The following COL7A1 variants were observed in gnomAD, a reference collection of about 807,000 sequenced individuals.
COL7A1 encodes collagen type VII alpha 1 chain.
In COL7A1, 296 loss-of-function variants were observed where a neutral mutation model predicts 456.2. The observed-to-expected ratio is 0.65, with a 90% CI of 0.59 to 0.71. The LOEUF is 0.71. COL7A1 is among the 30% of genes least tolerant of loss of function. The pLI, the probability that COL7A1 is intolerant of heterozygous loss-of-function variation, is 0.00. For missense variants in COL7A1, 3,441 were observed against 4,017.2 expected (o/e 0.86, Z 3.88); for synonymous variants, 1,464 against 1,525.9 (o/e 0.96, Z 0.95).
chr3:48,592,864 T>C lies in COL7A1; in HGVS notation c.757A>G (p.Thr253Ala). ...PSSQSLRVQWTAASGPVTGYK... is the reference protein window; with the variant it reads ...PSSQSLRVQWAAASGPVTGYK... ...CCAGTCACAGGGCCACTGGCCGCTG[T>C]CCACTGTACTCTCAAGGATTGGCTG... is the stretch of plus-strand genomic sequence containing the variant. Residue 253 changes from threonine (T) to alanine (A), a missense_variant, in exon 7 of 119, where the codon ACA becomes GCA. This residue lies in a region of COL7A1 where 913 missense variants were observed against 1,088.2 expected (regional missense o/e 0.84). Transcript: ENST00000681320. This position sits in a 1 kb window ranked among gnomAD's most constrained non-coding sequence, Gnocchi z 7.6. 6.2e-7 allele frequency: 1 copy of C among 1,614,038 alleles called. No homozygotes were observed. Among genetic ancestry groups the C allele is most frequent in the Non-Finnish European group, 8.5e-7 (1 of 1,180,028 alleles).
Position 48,592,758 on chromosome 3 carries a change from C to T in COL7A1, c.846+17G>A, listed in dbSNP as rs2045797632. 1 of 1,613,484 alleles carries T rather than the reference C, an allele frequency of 6.2e-7. No homozygotes were observed. Among genetic ancestry groups the T allele is most frequent in the Non-Finnish European group, 8.5e-7 (1 of 1,180,038 alleles). On this transcript the variant is annotated intron_variant, in intron 7 of 118. Transcript: ENST00000681320. This position sits in a 1 kb window ranked among gnomAD's most constrained non-coding sequence, Gnocchi z 7.6. ...AGCCAAGTCCCCAGCCACCACCTAT[C>T]ACTCCTGACATCCTACCTCCTGCCG...
chr3:48,589,113 G>A, intron 18 of COL7A1, 118 bp from the exon 19 acceptor site: 1 of 1,564,118 alleles, frequency 6.4e-7, no homozygotes, highest in Non-Finnish European at 8.8e-7. Context: ...GTCACTTTAG[G>A]CAGCCCTGAG....
chr3:48,572,260 C>A lies in COL7A1; in HGVS notation c.6979-89G>T, dbSNP rs558148606. 5.6e-6 allele frequency: 9 copies of A among 1,609,286 alleles called. No individual in the cohort carries two copies. Among genetic ancestry groups the A allele is most frequent in the Non-Finnish European group, 6.8e-6 (8 of 1,175,822 alleles). On this transcript the variant is annotated intron_variant, in intron 90 of 118. Coordinates refer to ENST00000681320, the MANE Select transcript of COL7A1 (RefSeq NM_000094.4). This position sits in a 1 kb window ranked among gnomAD's most constrained non-coding sequence, Gnocchi z 4.6. ...GGCATGGGGCCAGAGCTTAAATATG[C>A]GGTCTACTATGAAAGCTGAGGGTCA...
chr3:48,578,318 C>CA lies in COL7A1; in HGVS notation c.5532+2dup, dbSNP rs1560224720. On this transcript the variant is annotated splice_region_variant and intron_variant, in intron 65 of 118. Transcript: ENST00000681320. The surrounding 1 kb of genome is among the most constrained non-coding windows in gnomAD (Gnocchi z 4.7). The stretch of plus-strand genomic sequence containing the variant: ...TCGCCGCAGCTGCCCTGGACACACT[C>CA]ACGTTTTTTCCATTCAGGCCAGGTT... 1 of 1,612,500 alleles carries CA rather than the reference C, an allele frequency of 6.2e-7. No individual in the cohort carries two copies.
At position 48,573,903 on chromosome 3, in the gene COL7A1, G is replaced by A. The variant is rs2107665232; in HGVS notation, c.6502-13C>T. 1.9e-6 allele frequency: 3 copies of A among 1,612,972 alleles called. No homozygotes were observed. The highest frequency in any genetic ancestry group is 1.9e-4 in the Middle Eastern group (1 of 5,388). On this transcript the variant is annotated splice_polypyrimidine_tract_variant and intron_variant, in intron 80 of 118. Transcript: ENST00000681320. The surrounding 1 kb of genome is among the most constrained non-coding windows in gnomAD (Gnocchi z 5.5). ...GACCCTGCAGACCCTACATAGAGAG[G>A]GCACTGATGAGCCTCAATCTGGGCC... is the stretch of plus-strand genomic sequence containing the variant.
In COL7A1 at chr3:48,583,628, C is replaced by A. The variant is rs942776933; in HGVS notation, c.4342-13G>T. ...CCTCAGAGTCACCCTGAAGGAGAAA[C>A]ACACGGGTGGGAAGACCGAAGGGAG... On this transcript the variant is annotated splice_polypyrimidine_tract_variant and intron_variant, in intron 40 of 118. Coordinates refer to ENST00000681320, the MANE Select transcript of COL7A1 (RefSeq NM_000094.4). The surrounding 1 kb of genome is among the most constrained non-coding windows in gnomAD (Gnocchi z 5.1). 6.2e-7 allele frequency: 1 copy of A among 1,614,056 alleles called. No homozygotes were observed. Among genetic ancestry groups the A allele is most frequent in the African/African-American group, 1.3e-5 (1 of 75,048 alleles).
At chr3:48,584,805 C>A (rs777427242) in intron 34 of COL7A1, 36 bp from the exon 35 acceptor site, 2 of 1,614,002 alleles carry the variant, frequency 1.2e-6, no homozygotes, top group Non-Finnish European at 1.7e-6. Context: ...GGTGCTTGGG[C>A]TCAGGCGAAT....
Position 48,566,462 on chromosome 3 carries a change from ACCCAGGCCCACCCAGGCCCT to A in COL7A1, c.8358+28_8358+47del, listed in dbSNP as rs766634550. 3 of 1,546,476 alleles carry A rather than the reference ACCCAGGCCCACCCAGGCCCT, an allele frequency of 1.9e-6. No homozygotes were observed. Among genetic ancestry groups the A allele is most frequent in the South Asian group, 1.1e-5 (1 of 89,532 alleles). ...GGTGAGGGAGGTAGGGCCCCAGCCC[ACCCAGGCCCACCCAGGCCCT>A]CCCAGGCCCATCCAGGCCCACACTC... On this transcript the variant is annotated intron_variant, in intron 113 of 118. Transcript: ENST00000681320. The surrounding 1 kb of genome is among the most constrained non-coding windows in gnomAD (Gnocchi z 5.9).
intron 34 of COL7A1, 46 bp from the exon 35 acceptor site, chr3:48,584,815 T>C (rs2045110788): frequency 1.2e-6 from 2 of 1,613,712 alleles, no homozygotes; most frequent in Non-Finnish European, 1.7e-6. Flanking sequence ...CTCAGGCGAA[T>C]GTCAACGTGG....
Position 48,579,484 on chromosome 3 carries a change from G to C in COL7A1, c.5267C>G (p.Pro1756Arg). The C allele has an allele frequency of 1.2e-6, 2 of 1,614,118 alleles. No homozygotes were observed. The highest frequency in any genetic ancestry group is 1.7e-6 in the Non-Finnish European group (2 of 1,180,022). The change falls in exon 60 of 119, where the codon CCA becomes CGA. Residue 1756 changes from proline to arginine, a missense_variant. Around this residue, in one of 3 missense-constraint regions of COL7A1, gnomAD observed 2,084 missense variants for 2,501.3 expected, o/e 0.83. Coordinates refer to ENST00000681320, the MANE Select transcript of COL7A1 (RefSeq NM_000094.4). The surrounding 1 kb of genome is among the most constrained non-coding windows in gnomAD (Gnocchi z 4.4). Reference sequence around the variant, plus strand: ...GGGGCAAAGTGCATCACTCACCTGTGGGCCTGGGGGTCCCCGAAACCCTTC... The same window carrying C: ...GGGGCAAAGTGCATCACTCACCTGTCGGCCTGGGGGTCCCCGAAACCCTTC... ...GIEGFRGPPG[P>R]QGDPGVRGPA...
At position 48,568,256 on chromosome 3, in the gene COL7A1, A is replaced by G; in HGVS notation, c.7795-86T>C. 1 of 1,468,090 alleles carries G rather than the reference A, an allele frequency of 6.8e-7. No individual in the cohort carries two copies. Among genetic ancestry groups the G allele is most frequent in the South Asian group, 1.1e-5 (1 of 87,422 alleles). 90.9% of individuals were successfully genotyped at this position (1,468,090 alleles called of 1,614,324 possible). A position where few individuals can be genotyped will look rare whatever the true frequency, so the allele number is the denominator to read the frequency against. Reference sequence around the variant, plus strand: ...CCCTGGATAGTGGGTAGGGAACACCATGGGGTGGGAGTCACCTCTGGAGGC... The same window carrying G: ...CCCTGGATAGTGGGTAGGGAACACCGTGGGGTGGGAGTCACCTCTGGAGGC... On this transcript the variant is annotated intron_variant, in intron 105 of 118. Transcript: ENST00000681320. The surrounding 1 kb of genome is among the most constrained non-coding windows in gnomAD (Gnocchi z 5.2).
rs748944570 is a variant in COL7A1 at position 48,582,586 on chromosome 3, TC to T, written c.4563+22del. The T allele has an allele frequency of 4.3e-6, 7 of 1,613,584 alleles. No individual in the cohort carries two copies. The East Asian group carries it at 1.6e-4, about 36-fold the overall frequency. Reference sequence around the variant, plus strand: ...GGACACACAAAAGTCCCACTCCTGGTCCCACCACAGTCACAGACTCACTTCA... The same window carrying T: ...GGACACACAAAAGTCCCACTCCTGGTCCACCACAGTCACAGACTCACTTCA... On this transcript the variant is annotated intron_variant, in intron 45 of 118. Coordinates refer to ENST00000681320, the MANE Select transcript of COL7A1 (RefSeq NM_000094.4).
chr3:48,575,478 T>G lies in COL7A1; in HGVS notation c.6041A>C (p.Gln2014Pro), dbSNP rs755954867. The change falls in exon 74 of 119, where the codon CAG becomes CCG. Residue 2014 changes from glutamine (Q) to proline (P), a missense_variant. Around this residue, in one of 3 missense-constraint regions of COL7A1, gnomAD observed 2,084 missense variants for 2,501.3 expected, o/e 0.83. Coordinates refer to ENST00000681320, the MANE Select transcript of COL7A1 (RefSeq NM_000094.4). This position sits in a 1 kb window ranked among gnomAD's most constrained non-coding sequence, Gnocchi z 6.3. ...LKGDRGDPGP[Q>P]GPPGLALGER... ...CCCAAGGGCCAGACCAGGTGGCCCC[T>G]GAGGGCCAGGGTCTCCACGGTCGCC... The G allele has an allele frequency of 1.1e-5, 17 of 1,611,768 alleles. No homozygotes were observed. Among genetic ancestry groups the G allele is most frequent in the Non-Finnish European group, 1.4e-5 (17 of 1,179,608 alleles).
Position 48,587,567 on chromosome 3 carries a change from T to A in COL7A1, c.2858-13A>T, listed in dbSNP as rs778826112. ...ACACGAGGTGACTCTGAAGGAGGAA[T>A]GAAAGATCGAGGATCAGAGGCTGAG... is the stretch of plus-strand genomic sequence containing the variant. On this transcript the variant is annotated splice_polypyrimidine_tract_variant and intron_variant, in intron 22 of 118. Coordinates refer to ENST00000681320, the MANE Select transcript of COL7A1 (RefSeq NM_000094.4). This position sits in a 1 kb window ranked among gnomAD's most constrained non-coding sequence, Gnocchi z 6.1. 6.2e-7 allele frequency: 1 copy of A among 1,613,360 alleles called. No individual in the cohort carries two copies. Among genetic ancestry groups the A allele is most frequent in the East Asian group, 2.2e-5 (1 of 44,880 alleles).
Position 48,589,624 on chromosome 3 carries a change from G to A in COL7A1, c.2145C>T (p.Tyr715=), listed in dbSNP as rs924328113. 1 of 1,613,312 alleles carries A rather than the reference G, an allele frequency of 6.2e-7. No homozygotes were observed. The highest frequency in any genetic ancestry group is 1.3e-5 in the African/African-American group (1 of 74,656). Residue 715 remains tyrosine (Y), a synonymous_variant, in exon 17 of 119, where the codon TAC becomes TAT. Coordinates refer to ENST00000681320, the MANE Select transcript of COL7A1 (RefSeq NM_000094.4). ...CGTGGGCTGAGTGCCAGGAAACCCTGTATCCTGTGGCGCCAGGAACCCTGG... is the reference window on the plus strand; with the variant it reads ...CGTGGGCTGAGTGCCAGGAAACCCTATATCCTGTGGCGCCAGGAACCCTGG... ...TWTRVPGATG[Y]RVSWHSAHGP...
In COL7A1 at chr3:48,594,395, G is replaced by A; in HGVS notation, c.239C>T (p.Ala80Val). The A allele has an allele frequency of 1.2e-6, 2 of 1,611,262 alleles. No individual in the cohort carries two copies. The highest frequency in any genetic ancestry group is 1.1e-5 in the South Asian group (1 of 90,998). ...GAASAQGVRF[A>V]TVQYSDDPRT... ...TGGGTCATCGCTGTACTGCACTGTG[G>A]CAAAGCGCACACCCTGTGCACTGGC... is the stretch of plus-strand genomic sequence containing the variant. Residue 80 changes from alanine (A) to valine (V), a missense_variant, in exon 3 of 119, where the codon GCC becomes GTC. By Grantham distance (64) the Ala-to-Val change is moderately conservative (BLOSUM62 0). This residue lies in a region of COL7A1 where 913 missense variants were observed against 1,088.2 expected (regional missense o/e 0.84). Coordinates refer to ENST00000681320, the MANE Select transcript of COL7A1 (RefSeq NM_000094.4). This position sits in a 1 kb window ranked among gnomAD's most constrained non-coding sequence, Gnocchi z 5.5.
chr3:48,569,804 C>T lies in COL7A1; in HGVS notation c.7522-44G>A. 1 of 1,614,146 alleles carries T rather than the reference C, an allele frequency of 6.2e-7. No homozygotes were observed. The highest frequency in any genetic ancestry group is 8.5e-7 in the Non-Finnish European group (1 of 1,180,006). On this transcript the variant is annotated intron_variant, in intron 100 of 118. Transcript: ENST00000681320. The surrounding 1 kb of genome is among the most constrained non-coding windows in gnomAD (Gnocchi z 4.9). ...TGAGTCCCGCCCAAACTGGGGAGGC[C>T]CCGCACCTGAATTCTAATATCATAC... is the stretch of plus-strand genomic sequence containing the variant.
In COL7A1 at chr3:48,569,451, G is replaced by A; in HGVS notation, c.7615-5C>T. 2 of 1,614,156 alleles carry A rather than the reference G, an allele frequency of 1.2e-6. No individual in the cohort carries two copies. The highest frequency in any genetic ancestry group is 1.7e-6 in the Non-Finnish European group (2 of 1,180,006). On this transcript the variant is annotated splice_region_variant and splice_polypyrimidine_tract_variant and intron_variant, in intron 102 of 118. Transcript: ENST00000681320. This position sits in a 1 kb window ranked among gnomAD's most constrained non-coding sequence, Gnocchi z 4.9. The stretch of plus-strand genomic sequence containing the variant: ...GCCCCGAGGCCCTCGTTCACCCTGG[G>A]TTGGTTTGGGTAAGAAGTCACGGTA...
Position 48,575,318 on chromosome 3 carries a change from C to T in COL7A1, c.6180+21G>A, listed in dbSNP as rs771747446. 2 of 1,611,964 alleles carry T rather than the reference C, an allele frequency of 1.2e-6. No individual in the cohort carries two copies. The highest frequency in any genetic ancestry group is 4.5e-5 in the East Asian group (2 of 44,754). On this transcript the variant is annotated intron_variant, in intron 74 of 118. Coordinates refer to ENST00000681320, the MANE Select transcript of COL7A1 (RefSeq NM_000094.4). The surrounding 1 kb of genome is among the most constrained non-coding windows in gnomAD (Gnocchi z 6.3). The stretch of plus-strand genomic sequence containing the variant: ...TCCCAACCCCTCTTCCCTCACTCTC[C>T]TGGCCAGCCCCCAGCCTCACCCTCT...
Sources: gnomAD v4.1 joint callset for allele counts on GRCh38, gnomAD v4.1.1 for gene constraint, gnomAD v4.1.1 regional missense constraint, Gnocchi (gnomAD v3.1) non-coding constraint, MANE v1.5 for transcripts, NCBI Gene and HGNC (gene_info 2026-07-23, HGNC 2026-07-21) for gene names.